TMCO5A: variants seen among roughly 807,000 people sequenced by gnomAD.
TMCO5A encodes the protein transmembrane and coiled-coil domains 5A, also known as transmembrane and coiled-coil domain-containing protein 5A.
A neutral mutation model predicts 42.3 loss-of-function variants in TMCO5A; 34 were observed. The observed-to-expected ratio is 0.80, with a 90% CI of 0.61 to 1.07. The LOEUF (loss-of-function observed/expected upper bound fraction) is 1.07, where lower values mean the gene tolerates loss of function less well. Ranked by LOEUF, TMCO5A falls within the 50% of genes least tolerant of loss-of-function variation. The pLI is 0.00. For missense variants in TMCO5A, 357 were observed against 327.9 expected (o/e 1.09, Z -0.69); for synonymous variants, 131 against 115.6 (o/e 1.13, Z -0.86).
At chr15:38,039,679 A>G in the TMCO5A span, among the ~76,000 whole-genome samples, 129 of 152,322 alleles carry the variant, frequency 8.5e-4, no homozygotes, top group African/African-American at 3.0e-3. Flanking sequence ...TGATAATCAT[A>G]CTGATAAGTA....
At chr15:37,967,348 G>A (rs1441912214) in exon 12 of TMCO5A, 4 of 152,150 alleles carry the variant, frequency 2.6e-5, no homozygotes, top group African/African-American at 9.7e-5. Flanking sequence ...TTTTAAGAAA[G>A]CTGATATCAA....
chr15:38,005,706 G>A, the TMCO5A span, among the ~76,000 whole-genome samples: 3 of 152,074 alleles, frequency 2.0e-5, no homozygotes, highest in African/African-American at 7.2e-5. Flanking sequence ...AGCAGTGTGA[G>A]GAAAAAAAGA....
chr15:37,993,598 G>C, the TMCO5A span: 1 of 152,120 alleles, frequency 6.6e-6, no homozygotes, highest in African/African-American at 2.4e-5. Flanking sequence ...TAGGAGATTG[G>C]GGGTAGAATA....
the TMCO5A span, among the ~76,000 whole-genome samples, chr15:38,008,080 A>G: frequency 2.6e-5 from 4 of 151,514 alleles, no homozygotes; most frequent in South Asian, 4.2e-4. Flanking sequence ...TATTTTTAGT[A>G]GAGATGGGGT....
At chr15:38,035,973 C>T in the TMCO5A span, among the ~76,000 whole-genome samples, 1 of 152,056 alleles carries the variant, frequency 6.6e-6, no homozygotes, top group South Asian at 2.1e-4. Context: ...TCCCTCCCAG[C>T]TAAACTTCTA....
At chr15:37,940,227 G>C (rs1313334020) in intron 6 of TMCO5A, among the ~76,000 whole-genome samples, 1 of 152,108 alleles carries the variant, frequency 6.6e-6, no homozygotes, top group Non-Finnish European at 1.5e-5. Flanking sequence ...ACTGCAATTA[G>C]AAGAACCGAA....
the TMCO5A span, among the ~76,000 whole-genome samples, chr15:37,984,332 T>TA: frequency 6.6e-6 from 1 of 151,952 alleles, no homozygotes; most frequent in African/African-American, 2.4e-5. Context: ...AGAGAAGCAG[T>TA]AGGAGAGAAA....
the TMCO5A span, among the ~76,000 whole-genome samples, chr15:37,981,894 C>T: frequency 6.6e-6 from 1 of 152,180 alleles, no homozygotes; most frequent in East Asian, 1.9e-4. Flanking sequence ...GTGTCTTAAT[C>T]ATTACAGACA....
chr15:37,970,237 G>A (rs1209213566), downstream of TMCO5A, among the ~76,000 whole-genome samples: 1 of 152,162 alleles, frequency 6.6e-6, no homozygotes, highest in Non-Finnish European at 1.5e-5. Flanking sequence ...TGGCTAGGGA[G>A]GCCTCACAAT....
At chr15:37,965,436 C>T (rs1356846468) in intron 11 of TMCO5A, among the ~76,000 whole-genome samples, 1 of 152,110 alleles carries the variant, frequency 6.6e-6, no homozygotes. Flanking sequence ...AAAGCTTCTG[C>T]ACAGCAAATG....
the TMCO5A span, among the ~76,000 whole-genome samples, chr15:38,023,425 T>C: frequency 1.4e-4 from 22 of 152,328 alleles, no homozygotes; most frequent in South Asian, 4.6e-3. Flanking sequence ...TTTTCTTATA[T>C]GATCTTTTTA....
chr15:37,990,140 TA>T, the TMCO5A span, among the ~76,000 whole-genome samples: 1 of 152,128 alleles, frequency 6.6e-6, no homozygotes, highest in Non-Finnish European at 1.5e-5. Context: ...CTGTTAGATC[TA>T]ATCGGCTAAT....
At chr15:38,035,467 C>G in the TMCO5A span, among the ~76,000 whole-genome samples, 2 of 152,008 alleles carry the variant, frequency 1.3e-5, no homozygotes, top group Non-Finnish European at 2.9e-5. Context: ...AAAAGTAGAG[C>G]CTAAAATAAG....
chr15:37,959,818 T>C (rs940492417), intron 11 of TMCO5A, among the ~76,000 whole-genome samples: 1 of 151,902 alleles, frequency 6.6e-6, no homozygotes. Flanking sequence ...GTACTGGACA[T>C]CCTAGCTAGA....
chr15:38,000,985 G>T, the TMCO5A span, among the ~76,000 whole-genome samples: 2 of 152,100 alleles, frequency 1.3e-5, no homozygotes, highest in South Asian at 2.1e-4. Context: ...ACCATTGGAT[G>T]AAATGTTCTG....
At chr15:38,011,131 C>A in the TMCO5A span, among the ~76,000 whole-genome samples, 5 of 152,162 alleles carry the variant, frequency 3.3e-5, no homozygotes, top group Admixed American at 3.3e-4. Context: ...GGGTCAGGAA[C>A]CTGGGCACAG....
the TMCO5A span, among the ~76,000 whole-genome samples, chr15:38,036,844 G>A: frequency 6.6e-6 from 1 of 152,078 alleles, no homozygotes. Context: ...AGGGACTAGT[G>A]TTTTATTCAT....
the TMCO5A span, among the ~76,000 whole-genome samples, chr15:38,024,423 A>G: frequency 1.3e-5 from 2 of 152,218 alleles, no homozygotes; most frequent in Non-Finnish European, 2.9e-5. Context: ...TGATGGTATA[A>G]GCAAGAGATG....
chr15:37,951,430 G>A (rs989507583), downstream of TMCO5A: 2 of 563,868 alleles, frequency 3.5e-6, no homozygotes, highest in Admixed American at 3.3e-5. Flanking sequence ...AGATTTATGT[G>A]GCTCTGTGGA....
Sources: gnomAD v4.1 joint callset for allele counts (sites outside exome capture counted in the v4.1 genomes callset) on GRCh38, gnomAD v4.1.1 for gene constraint, MANE v1.5 for transcripts, NCBI Gene and HGNC (gene_info 2026-07-23, HGNC 2026-07-21) for gene names.